The following CMTM8 variants were observed in gnomAD, a reference collection of about 807,000 sequenced individuals.
CMTM8 encodes CKLF-like MARVEL transmembrane domain-containing protein 8.
CMTM8 carries 12 observed loss-of-function variants against 18.6 expected under a neutral mutation model. The ratio of observed to expected loss-of-function variants is 0.65; its 90% CI spans 0.41 to 1.05. The LOEUF (loss-of-function observed/expected upper bound fraction) is 1.05, where lower values mean the gene tolerates loss of function less well. Among genes scored for constraint, CMTM8 ranks in the 50% least tolerant of loss-of-function variants. CMTM8 has a pLI of 0.00. For synonymous variants in CMTM8, 87 were observed against 90.6 expected, an observed-to-expected ratio of 0.96 and a Z score of 0.23; for missense variants, 217 against 227.2, an observed-to-expected ratio of 0.95 and a Z score of 0.29.
At chr3:32,315,992 T>C (rs1462636178) in intron 1 of CMTM8, among the ~76,000 whole-genome samples, 1 of 151,620 alleles carries the variant, frequency 6.6e-6, no homozygotes, top group East Asian at 1.9e-4. Context: ...TCTAAAATTT[T>C]ACTTGATCTT....
At chr3:32,278,693 C>A (rs886065729) in intron 1 of CMTM8, among the ~76,000 whole-genome samples, 2 of 152,150 alleles carry the variant, frequency 1.3e-5, no homozygotes, top group South Asian at 4.1e-4. Flanking sequence ...TGTTAACCAT[C>A]CTAATATATA....
At chr3:32,243,624 G>A (rs1249509852) in intron 1 of CMTM8, among the ~76,000 whole-genome samples, 1 of 151,882 alleles carries the variant, frequency 6.6e-6, no homozygotes, top group Non-Finnish European at 1.5e-5. Context: ...TCTCTTCTCA[G>A]CTGCAGTCCA....
At chr3:32,267,374 G>A (rs1269599863) in intron 1 of CMTM8, among the ~76,000 whole-genome samples, 2 of 152,282 alleles carry the variant, frequency 1.3e-5, no homozygotes, top group East Asian at 1.9e-4. Flanking sequence ...TTAATAAATG[G>A]TGCTGGGAAA....
intron 1 of CMTM8, among the ~76,000 whole-genome samples, chr3:32,319,057 C>CATATATATATATATATATAT (rs1553605520): frequency 1.5e-4 from 7 of 45,876 alleles, no homozygotes; most frequent in East Asian, 9.7e-4. Context: ...TGTGTATATA[C>CATATATATATATATATATAT]ATATATATAT....
At chr3:32,320,688 C>T (rs1395399390) in intron 1 of CMTM8, among the ~76,000 whole-genome samples, 1 of 152,124 alleles carries the variant, frequency 6.6e-6, no homozygotes, top group Non-Finnish European at 1.5e-5. Flanking sequence ...AAGATATGCC[C>T]AGAGGTCTTC....
At chr3:32,294,739 G>T (rs1370739108) in intron 1 of CMTM8, among the ~76,000 whole-genome samples, 1 of 152,166 alleles carries the variant, frequency 6.6e-6, no homozygotes, top group Non-Finnish European at 1.5e-5. Context: ...AGTGAATAAA[G>T]ATATTGTGTC....
intron 1 of CMTM8, 81 bp downstream of exon 1, chr3:32,239,200 C>T: frequency 6.8e-7 from 1 of 1,468,084 alleles, no homozygotes; most frequent in South Asian, 1.3e-5. Flanking sequence ...CGGGATGGAG[C>T]CTGCTCAGAT....
chr3:32,258,501 TG>T (rs1253048607), intron 1 of CMTM8, among the ~76,000 whole-genome samples: 2 of 152,192 alleles, frequency 1.3e-5, no homozygotes, highest in African/African-American at 4.8e-5. Context: ...TACAGTGCTT[TG>T]TTTTTTTTGT....
At chr3:32,256,483 C>A (rs925425325) in intron 1 of CMTM8, among the ~76,000 whole-genome samples, 5 of 152,154 alleles carry the variant, frequency 3.3e-5, no homozygotes, top group Admixed American at 3.3e-4. Context: ...CCACAGACTT[C>A]GTTACAGCAG....
chr3:32,315,560 C>G (rs1487025136), intron 1 of CMTM8, among the ~76,000 whole-genome samples: 2 of 152,166 alleles, frequency 1.3e-5, no homozygotes, highest in Admixed American at 6.5e-5. Context: ...ACAGTGGGAT[C>G]CCTGGAATGT....
At chr3:32,361,072 C>T (rs181001061) in intron 2 of CMTM8, among the ~76,000 whole-genome samples, 148 of 152,308 alleles carry the variant, frequency 9.7e-4, no homozygotes, top group African/African-American at 3.4e-3. Flanking sequence ...ACTTCCACCT[C>T]CCGGGTTCAA....
At chr3:32,303,827 A>G (rs760587295) in intron 1 of CMTM8, among the ~76,000 whole-genome samples, 27 of 152,164 alleles carry the variant, frequency 1.8e-4, no homozygotes, top group Non-Finnish European at 3.4e-4. Context: ...TGCAGGCCTG[A>G]CATTTATTCC....
intron 1 of CMTM8, among the ~76,000 whole-genome samples, chr3:32,260,697 G>T (rs1702244222): frequency 6.8e-6 from 1 of 147,900 alleles, no homozygotes; most frequent in African/African-American, 2.5e-5. Flanking sequence ...GTTTTCACAT[G>T]TTTATATGTT....
chr3:32,298,955 A>AT (rs1287782949), intron 1 of CMTM8, among the ~76,000 whole-genome samples: 1,370 of 128,990 alleles, frequency 0.011, 14 homozygotes, highest in Middle Eastern at 0.025. Context: ...ATATATATAT[A>AT]TTTTTTTTTT....
intron 1 of CMTM8, chr3:32,259,957 G>T: frequency 8.7e-7 from 1 of 1,144,752 alleles, no homozygotes; most frequent in Non-Finnish European, 1.3e-6. Context: ...AGCTCAACGG[G>T]ATCCTGCTGC....
chr3:32,331,781 T>C (rs1424675635), intron 1 of CMTM8, among the ~76,000 whole-genome samples: 1 of 152,208 alleles, frequency 6.6e-6, no homozygotes, highest in Non-Finnish European at 1.5e-5. Context: ...AAGCCAGTCA[T>C]AGAAAGTCAA....
At chr3:32,350,174 A>T (rs1696677027) in intron 1 of CMTM8, among the ~76,000 whole-genome samples, 1 of 151,984 alleles carries the variant, frequency 6.6e-6, no homozygotes, top group South Asian at 2.1e-4. Context: ...GCTTCCCACC[A>T]ATCCTCCTTA....
intron 1 of CMTM8, among the ~76,000 whole-genome samples, chr3:32,285,679 C>T (rs765605629): frequency 3.3e-5 from 5 of 152,228 alleles, no homozygotes; most frequent in Middle Eastern, 3.4e-3. Context: ...TGTATAACAC[C>T]TCTCTGCACT....
At chr3:32,298,939 A>ATATG (rs1305543329) in intron 1 of CMTM8, among the ~76,000 whole-genome samples, 23 of 69,562 alleles carry the variant, frequency 3.3e-4, no homozygotes, top group African/African-American at 1.2e-3. Flanking sequence ...ATATATATAT[A>ATATG]TGTATATATA....
Sources: gnomAD v4.1 joint callset for allele counts (sites outside exome capture counted in the v4.1 genomes callset) on GRCh38, gnomAD v4.1.1 for gene constraint, MANE v1.5 for transcripts, NCBI Gene and HGNC (gene_info 2026-07-23, HGNC 2026-07-21) for gene names.